Variants in CSMD1 observed in about 807,000 individuals in gnomAD.
CSMD1 encodes the protein CUB and Sushi multiple domains 1, also known as CUB and sushi domain-containing protein 1.
Under a neutral mutation model 417.5 loss-of-function variants are expected in CSMD1, and 213 were observed. The observed-to-expected ratio is 0.51, with a 90% CI of 0.46 to 0.57. The LOEUF (loss-of-function observed/expected upper bound fraction) is 0.57. Among genes scored for constraint, CSMD1 ranks in the 20% least tolerant of loss-of-function variants. The pLI is 0.00. For missense variants in CSMD1, 6,923 were observed against 4,529.7 expected (o/e 1.53, Z -15.17); for synonymous variants, 2,862 against 1,736.8 (o/e 1.65, Z -16.11).
At chr8:3,440,925 C>T (rs983101802) in intron 12 of CSMD1, among the ~76,000 whole-genome samples, 4 of 152,192 alleles carry the variant, frequency 2.6e-5, no homozygotes, top group African/African-American at 9.7e-5. Context: ...CCCTTGTCCC[C>T]AGACGTGGTG....
chr8:3,382,649 A>T (rs542737569), intron 18 of CSMD1, among the ~76,000 whole-genome samples: 12 of 148,258 alleles, frequency 8.1e-5, no homozygotes, highest in Non-Finnish European at 1.6e-4. Flanking sequence ...CTATATAGAG[A>T]TAGATATAAA....
chr8:3,042,523 C>A (rs1462040285), intron 50 of CSMD1, among the ~76,000 whole-genome samples: 1 of 149,340 alleles, frequency 6.7e-6, no homozygotes, highest in Non-Finnish European at 1.5e-5. Context: ...TTACGGGAAT[C>A]CCGTCGAAGC....
intron 10 of CSMD1, among the ~76,000 whole-genome samples, chr8:3,552,971 T>C (rs774751837): frequency 6.6e-6 from 1 of 152,150 alleles, no homozygotes; most frequent in African/African-American, 2.4e-5. Flanking sequence ...ATTTCAGAAA[T>C]AGTTCACCAC....
chr8:3,915,668 T>C (rs915109613), intron 5 of CSMD1, among the ~76,000 whole-genome samples: 1 of 151,564 alleles, frequency 6.6e-6, no homozygotes, highest in African/African-American at 2.4e-5. Context: ...TCATAACTGA[T>C]ATTACTAATA....
At chr8:3,519,711 C>T (rs1310849646) in intron 10 of CSMD1, among the ~76,000 whole-genome samples, 9 of 152,002 alleles carry the variant, frequency 5.9e-5, no homozygotes, top group Non-Finnish European at 8.8e-5. Flanking sequence ...AAGTGGTGCA[C>T]GCTATACAAT....
rs10659062 is a variant in CSMD1, at chr8:4,881,411, A to ATATCTATC, written c.85+112913_85+112920dup. Among the ~76,000 whole-genome samples, 1,004 of 134,880 alleles carry ATATCTATC rather than the reference A, an allele frequency of 7.4e-3. 12 individuals carry two copies. The highest frequency in any genetic ancestry group is 0.017 in the African/African-American group (615 of 37,068). 88.5% of individuals were successfully genotyped at this position (134,880 alleles called of 152,430 possible). ...AGTTGAACAAATATACCTAGTATAC[A>ATATCTATC]TATCTATCTATCTATCTATCTATCT... On this transcript the variant is annotated intron_variant, in intron 1 of 69. Coordinates refer to ENST00000635120, the MANE Select transcript of CSMD1 (RefSeq NM_033225.6).
At chr8:4,200,173 T>C (rs1237612966) in intron 3 of CSMD1, among the ~76,000 whole-genome samples, 1 of 152,200 alleles carries the variant, frequency 6.6e-6, no homozygotes, top group Non-Finnish European at 1.5e-5. Context: ...AGCTCCTTTT[T>C]AACTACCTGG....
chr8:3,277,013 GA>G (rs1037347167), intron 26 of CSMD1, among the ~76,000 whole-genome samples: 5 of 152,070 alleles, frequency 3.3e-5, no homozygotes, highest in African/African-American at 1.2e-4. Flanking sequence ...CTTCGCTAAA[GA>G]AACCTTTGAA....
chr8:4,855,176 T>G (rs974956985), intron 1 of CSMD1, among the ~76,000 whole-genome samples: 1 of 149,902 alleles, frequency 6.7e-6, no homozygotes, highest in South Asian at 2.2e-4. Flanking sequence ...CACGGCAGGG[T>G]ACTCCAACAG....
At chr8:3,945,356 G>A (rs777999790) in intron 5 of CSMD1, among the ~76,000 whole-genome samples, 1 of 152,004 alleles carries the variant, frequency 6.6e-6, no homozygotes, top group African/African-American at 2.4e-5. Flanking sequence ...TGTCCACAAA[G>A]CTTTCATAAA....
At chr8:3,761,846 C>T (rs532386703) in intron 5 of CSMD1, among the ~76,000 whole-genome samples, 3 of 152,118 alleles carry the variant, frequency 2.0e-5, no homozygotes, top group Admixed American at 6.5e-5. Flanking sequence ...CCACCCGGAG[C>T]GGCACTCATG....
At chr8:3,272,198 C>T (rs1039083121) in intron 26 of CSMD1, among the ~76,000 whole-genome samples, 2 of 146,946 alleles carry the variant, frequency 1.4e-5, no homozygotes, top group South Asian at 2.2e-4. Flanking sequence ...ATGCTTTCCC[C>T]ATTGCTTGTT....
chr8:4,722,304 A>C (rs1218049891), intron 1 of CSMD1, among the ~76,000 whole-genome samples: 1 of 151,902 alleles, frequency 6.6e-6, no homozygotes, highest in Admixed American at 6.6e-5. Context: ...AAGAGAAAAA[A>C]ATTGTTTTGG....
chr8:3,233,045 T>C (rs1798932987), intron 26 of CSMD1, among the ~76,000 whole-genome samples: 3 of 152,232 alleles, frequency 2.0e-5, no homozygotes, highest in African/African-American at 7.2e-5. Context: ...TTGTTTAAAT[T>C]TTCATACATA....
chr8:4,138,742 T>C (rs1027143014), intron 3 of CSMD1, among the ~76,000 whole-genome samples: 40 of 152,292 alleles, frequency 2.6e-4, no homozygotes, highest in South Asian at 2.1e-4. Flanking sequence ...AGAGGAAAAA[T>C]ACTAAACCAA....
At chr8:3,634,230 A>T (rs1796923378) in intron 7 of CSMD1, among the ~76,000 whole-genome samples, 1 of 152,188 alleles carries the variant, frequency 6.6e-6, no homozygotes, top group African/African-American at 2.4e-5. Context: ...TGTTCACGTG[A>T]TTAATGGTGG....
At chr8:3,995,611 C>T (rs370608683) in intron 5 of CSMD1, among the ~76,000 whole-genome samples, 1 of 152,158 alleles carries the variant, frequency 6.6e-6, no homozygotes, top group African/African-American at 2.4e-5. Context: ...GCCAAGGGCT[C>T]CATCAGCTTT....
At position 4,689,964 on chromosome 8, in the gene CSMD1, T is replaced by C. The variant is rs114303174; in HGVS notation, c.86-52406A>G. Among the ~76,000 whole-genome samples the C allele has an allele frequency of 2.5e-3, 383 of 152,326 alleles. 4 individuals carry two copies. The highest frequency in any genetic ancestry group is 8.9e-3 in the African/African-American group (370 of 41,572). ...CTCCCCTGCAGGAAGTGGGCTGTAT[T>C]ACTGCCGTAAGCGTAGTGCTAAAGA... On this transcript the variant is annotated intron_variant, in intron 1 of 69. Coordinates refer to ENST00000635120, the MANE Select transcript of CSMD1 (RefSeq NM_033225.6).
At chr8:3,040,888 T>C (rs1398759696) in intron 50 of CSMD1, among the ~76,000 whole-genome samples, 1 of 152,210 alleles carries the variant, frequency 6.6e-6, no homozygotes, top group Non-Finnish European at 1.5e-5. Flanking sequence ...TGAGTAATAT[T>C]TTCATATAAA....
Sources: gnomAD v4.1 joint callset for allele counts (sites outside exome capture counted in the v4.1 genomes callset) on GRCh38, gnomAD v4.1.1 for gene constraint, MANE v1.5 for transcripts, NCBI Gene and HGNC (gene_info 2026-07-23, HGNC 2026-07-21) for gene names.